Variants in BCL7C observed in about 807,000 individuals in gnomAD.
BCL7C encodes the protein BAF chromatin remodeling complex subunit BCL7C, also known as B-cell CLL/lymphoma 7 protein family member C.
BCL7C carries 8 observed loss-of-function variants against 26.2 expected under a neutral mutation model. The ratio of observed to expected loss-of-function variants is 0.30; its 90% CI spans 0.18 to 0.55. BCL7C has a LOEUF of 0.55. BCL7C is among the 20% of genes least tolerant of loss of function. The pLI, the probability that BCL7C is intolerant of heterozygous loss-of-function variation, is 0.93. For missense variants in BCL7C, 262 were observed against 298.5 expected (o/e 0.88, Z 0.90); for synonymous variants, 90 against 116.5 (o/e 0.77, Z 1.47).
chr16:30,845,182 T>C (rs2054626509), intron 5 of BCL7C, among the ~76,000 whole-genome samples: 1 of 152,240 alleles, frequency 6.6e-6, no homozygotes, highest in Non-Finnish European at 1.5e-5. Flanking sequence ...CTGACCTTTA[T>C]TGGCTTTCTC....
intron 4 of BCL7C, among the ~76,000 whole-genome samples, chr16:30,889,565 C>G (rs1596624250): frequency 6.6e-6 from 1 of 152,244 alleles, no homozygotes; most frequent in Non-Finnish European, 1.5e-5. Context: ...TCTCGGCTCA[C>G]TGCAACCTCC....
intron 5 of BCL7C, among the ~76,000 whole-genome samples, chr16:30,853,305 CAT>C (rs2054692844): frequency 6.6e-6 from 1 of 152,106 alleles, no homozygotes; most frequent in Non-Finnish European, 1.5e-5. Context: ...CTAAGACACA[CAT>C]ACACACACAC....
intron 5 of BCL7C, among the ~76,000 whole-genome samples, chr16:30,878,403 GT>G (rs2054987254): frequency 6.6e-6 from 1 of 151,844 alleles, no homozygotes; most frequent in Admixed American, 6.6e-5. Flanking sequence ...GCTGGGTGTG[GT>G]GGCACGCGCC....
chr16:30,871,936 C>G (rs2054885836), intron 5 of BCL7C, among the ~76,000 whole-genome samples: 3 of 152,098 alleles, frequency 2.0e-5, no homozygotes, highest in Non-Finnish European at 4.4e-5. Context: ...AATTGCACAG[C>G]TGTGAGAGAG....
intron 5 of BCL7C, among the ~76,000 whole-genome samples, chr16:30,838,616 C>G (rs887412317): frequency 6.6e-6 from 1 of 152,130 alleles, no homozygotes; most frequent in Non-Finnish European, 1.5e-5. Context: ...TACCCTGTCT[C>G]TACTAAAAAA....
At chr16:30,873,918 C>T (rs1194732197) in intron 5 of BCL7C, among the ~76,000 whole-genome samples, 81 of 77,430 alleles carry the variant, frequency 1.0e-3, no homozygotes, top group Admixed American at 7.2e-3. Context: ...AATTTTTCCT[C>T]CTCTCTCTAT....
chr16:30,877,667 C>T (rs1596609996), intron 5 of BCL7C, among the ~76,000 whole-genome samples: 1 of 149,318 alleles, frequency 6.7e-6, no homozygotes, highest in Admixed American at 6.6e-5. Flanking sequence ...TCTCGATCTC[C>T]TGACCTCGTG....
At chr16:30,846,199 A>AATTTATATATTT (rs2054634174) in intron 5 of BCL7C, among the ~76,000 whole-genome samples, 1 of 131,414 alleles carries the variant, frequency 7.6e-6, no homozygotes, top group African/African-American at 3.1e-5. Flanking sequence ...CTAATTTTAA[A>AATTTATATATTT]ATTTATTTAT....
intron 3 of BCL7C, 22 bp from the exon 4 acceptor site, chr16:30,892,769 T>C (rs751719875): frequency 6.2e-7 from 1 of 1,614,138 alleles, no homozygotes; most frequent in East Asian, 2.2e-5. Context: ...AGAGCCGAGA[T>C]GGTTGGCCTG....
At position 30,881,427 on chromosome 16, in the gene BCL7C, A is replaced by ACACACAC. The variant is rs1567320796; in HGVS notation, c.528+7432_528+7433insGTGTGTG. On this transcript the variant is annotated intron_variant, in intron 5 of 5. Transcript: ENST00000380317. ...ACACACACACACACACACACACACA[A>ACACACAC]CAAAAAATTAGGAACAAAACCTAAG... Among the ~76,000 whole-genome samples the ACACACAC allele has an allele frequency of 9.3e-5, 10 of 107,822 alleles. No homozygotes were observed. In the South Asian group the frequency reaches 1.8e-3, roughly 19 times the overall value. The allele number at this position is 107,822 out of a possible 152,430, so 70.7% of individuals were successfully genotyped here. A position where few individuals can be genotyped will look rare whatever the true frequency, so the allele number is the denominator to read the frequency against.
rs1187827463 is a variant in BCL7C at position 30,879,689 on chromosome 16, C to CAAAAAAAAAAAAAAAAAAAAAA, written c.528+9170_528+9171insTTTTTTTTTTTTTTTTTTTTTT. On this transcript the variant is annotated intron_variant, in intron 5 of 5. Coordinates refer to the BCL7C transcript ENST00000380317. ...AACACAGAGAGACTCCCCTTCTCTA[C>CAAAAAAAAAAAAAAAAAAAAAA]AAAAAAAAAAAAAAAAAAAACTGGG... is the stretch of plus-strand genomic sequence containing the variant. 3.4e-3 allele frequency among the ~76,000 whole-genome samples: 100 copies of CAAAAAAAAAAAAAAAAAAAAAA among 29,398 alleles called. 37 individuals are homozygous for CAAAAAAAAAAAAAAAAAAAAAA. Among genetic ancestry groups the CAAAAAAAAAAAAAAAAAAAAAA allele is most frequent in the South Asian group, 7.3e-3 (2 of 274 alleles). 19.3% of individuals were successfully genotyped at this position (29,398 alleles called of 152,430 possible).
intron 4 of BCL7C, 113 bp downstream of exon 4, chr16:30,892,473 G>C: frequency 9.4e-7 from 1 of 1,067,622 alleles, no homozygotes; most frequent in South Asian, 1.6e-5. Context: ...GTCGGAAGGC[G>C]CCTTGAGGAG....
At chr16:30,870,901 C>T (rs1048526839) in intron 5 of BCL7C, among the ~76,000 whole-genome samples, 8 of 152,294 alleles carry the variant, frequency 5.3e-5, no homozygotes, top group African/African-American at 1.9e-4. Context: ...CTGTGTGCCC[C>T]TGGGCAAGTC....
In BCL7C at chr16:30,834,704, C is replaced by T. The variant is rs1351564531; in HGVS notation, c.*244G>A. 2.5e-6 allele frequency: 1 copy of T among 394,860 alleles called. No homozygotes were observed. Among genetic ancestry groups the T allele is most frequent in the Non-Finnish European group, 4.6e-6 (1 of 219,616 alleles). The allele number at this position is 394,860 out of a possible 1,614,324, so 24.5% of individuals were successfully genotyped here. On this transcript the variant is annotated 3_prime_UTR_variant, in exon 6 of 6. Coordinates refer to the BCL7C transcript ENST00000380317. The surrounding 1 kb of genome is among the most constrained non-coding windows in gnomAD (Gnocchi z 4.3). ...CCCCTCCCCTAGGCCTCTAGCAAGG[C>T]GGCCTCAGGCACTGGATGTGGTCCG...
chr16:30,881,425 C>CACACACACACAA lies in BCL7C; in HGVS notation c.528+7434_528+7435insTTGTGTGTGTGT, dbSNP rs1491523089. ...ACACACACACACACACACACACACA[C>CACACACACACAA]AACAAAAAATTAGGAACAAAACCTA... On this transcript the variant is annotated intron_variant, in intron 5 of 5. Transcript: ENST00000380317. Among the ~76,000 whole-genome samples the CACACACACACAA allele has an allele frequency of 9.6e-4, 137 of 143,026 alleles. No individual in the cohort carries two copies. In the South Asian group the frequency reaches 0.015, roughly 15 times the overall value. The allele number at this position is 143,026 out of a possible 152,430, so 93.8% of individuals were successfully genotyped here.
intron 5 of BCL7C, among the ~76,000 whole-genome samples, chr16:30,863,639 C>T (rs982940318): frequency 6.6e-6 from 1 of 152,132 alleles, no homozygotes; most frequent in African/African-American, 2.4e-5. Context: ...TAGTTTTTCT[C>T]CTTCTCATCG....
At chr16:30,877,039 G>A (rs1056040006) in intron 5 of BCL7C, among the ~76,000 whole-genome samples, 20 of 152,130 alleles carry the variant, frequency 1.3e-4, no homozygotes, top group Admixed American at 1.2e-3. Flanking sequence ...ATGCCTGGCC[G>A]CAAAACTCAG....
In BCL7C at chr16:30,834,624, G is replaced by T. The variant is rs767268223; in HGVS notation, c.*324C>A. The T allele has an allele frequency of 5.0e-6, 1 of 199,906 alleles. No individual in the cohort carries two copies. Among genetic ancestry groups the T allele is most frequent in the African/African-American group, 2.3e-5 (1 of 43,222 alleles). The allele number at this position is 199,906 out of a possible 1,614,324, so 12.4% of individuals were successfully genotyped here. ...GCGCCTCGCATGGCACACTCAGACC[G>T]CTGGGAGGGTGGCCGCATGGGTGCG... On this transcript the variant is annotated 3_prime_UTR_variant, in exon 6 of 6. Coordinates refer to the BCL7C transcript ENST00000380317. This position sits in a 1 kb window ranked among gnomAD's most constrained non-coding sequence, Gnocchi z 4.3.
chr16:30,867,354 T>TA (rs978768244), intron 5 of BCL7C, among the ~76,000 whole-genome samples: 3 of 152,170 alleles, frequency 2.0e-5, no homozygotes, highest in African/African-American at 7.2e-5. Flanking sequence ...GTAGGCAGAA[T>TA]AATGGCCATT....
Sources: gnomAD v4.1 joint callset for allele counts (sites outside exome capture counted in the v4.1 genomes callset) on GRCh38, gnomAD v4.1.1 for gene constraint, Gnocchi (gnomAD v3.1) non-coding constraint, MANE v1.5 for transcripts, NCBI Gene and HGNC (gene_info 2026-07-23, HGNC 2026-07-21) for gene names.